Variants in PDE4D observed in about 807,000 individuals in gnomAD.
PDE4D encodes 3',5'-cyclic-AMP phosphodiesterase 4D.
In PDE4D, 24 loss-of-function variants were observed where a neutral mutation model predicts 87.4. The ratio of observed to expected loss-of-function variants is 0.27; its 90% confidence interval spans 0.20 to 0.39. PDE4D has a LOEUF of 0.39. Among genes scored for constraint, PDE4D ranks in the 10% least tolerant of loss-of-function variants. The pLI is 1.00. For synonymous variants in PDE4D, 384 were observed against 383.2 expected, an observed-to-expected ratio of 1.00 and a Z score of -0.02; for missense variants, 714 against 1,041.0, an observed-to-expected ratio of 0.69 and a Z score of 4.32.
chr5:59,306,105 T>C (rs922069049), intron 1 of PDE4D, among the ~76,000 whole-genome samples: 2 of 152,204 alleles, frequency 1.3e-5, no homozygotes, highest in Non-Finnish European at 2.9e-5. Context: ...CATTGTGACA[T>C]ATTCCTGTTG....
chr5:59,387,943 G>A (rs1203690167), intron 1 of PDE4D, among the ~76,000 whole-genome samples: 1 of 151,950 alleles, frequency 6.6e-6, no homozygotes, highest in Non-Finnish European at 1.5e-5. Context: ...CATTGCCCCA[G>A]TCTTCAGCCC....
intron 1 of PDE4D, chr5:59,275,727 T>G: frequency 9.6e-7 from 1 of 1,045,432 alleles, no homozygotes; most frequent in Non-Finnish European, 1.2e-6. Context: ...GAAACCAGCA[T>G]AGTGAAAGAG....
chr5:60,156,882 T>C (rs1363235268), intron 2 of PDE4D, among the ~76,000 whole-genome samples: 1 of 152,002 alleles, frequency 6.6e-6, no homozygotes, highest in Non-Finnish European at 1.5e-5. Flanking sequence ...TGAAAGAGAG[T>C]TGTCATAATT....
At chr5:59,267,276 C>A (rs532421992) in intron 1 of PDE4D, among the ~76,000 whole-genome samples, 27 of 152,084 alleles carry the variant, frequency 1.8e-4, no homozygotes, top group African/African-American at 6.5e-4. Flanking sequence ...ATATAAATTC[C>A]TTGATGCAAA....
intron 1 of PDE4D, among the ~76,000 whole-genome samples, chr5:59,330,419 C>T (rs1776510869): frequency 6.6e-6 from 1 of 152,250 alleles, no homozygotes; most frequent in Admixed American, 6.5e-5. Context: ...ATTCTCCCCA[C>T]CTCCTCCTGC....
chr5:60,305,870 A>G (rs958625626), intron 1 of PDE4D, among the ~76,000 whole-genome samples: 3 of 152,076 alleles, frequency 2.0e-5, no homozygotes, highest in African/African-American at 7.2e-5. Flanking sequence ...AGAAGAAACT[A>G]ACAGAAATAC....
intron 1 of PDE4D, among the ~76,000 whole-genome samples, chr5:59,643,550 A>C (rs1741957773): frequency 6.6e-6 from 1 of 152,208 alleles, no homozygotes; most frequent in Non-Finnish European, 1.5e-5. Context: ...TGTAATTTAC[A>C]TGTAGTTTAT....
chr5:59,189,649 A>G (rs1455598187), intron 3 of PDE4D, among the ~76,000 whole-genome samples: 1 of 152,142 alleles, frequency 6.6e-6, no homozygotes, highest in Non-Finnish European at 1.5e-5. Flanking sequence ...CTTGGCCCCC[A>G]AGAACTCTGG....
chr5:59,423,724 C>G (rs1794799740), intron 1 of PDE4D, among the ~76,000 whole-genome samples: 1 of 151,446 alleles, frequency 6.6e-6, no homozygotes, highest in Non-Finnish European at 1.5e-5. Flanking sequence ...TTATTTATAC[C>G]TAAAATACAC....
chr5:59,235,001 T>G (rs1756076518), intron 1 of PDE4D, among the ~76,000 whole-genome samples: 1 of 152,160 alleles, frequency 6.6e-6, no homozygotes. Context: ...TCTTTTTCTT[T>G]TTTTATAGAA....
intron 3 of PDE4D, among the ~76,000 whole-genome samples, chr5:59,932,365 C>T (rs4699945): frequency 1.3e-5 from 2 of 151,898 alleles, no homozygotes; most frequent in African/African-American, 4.8e-5. Context: ...ATAGAGAGAG[C>T]TGACATTCAC....
chr5:59,420,456 G>C (rs1794296285), intron 1 of PDE4D, among the ~76,000 whole-genome samples: 1 of 152,160 alleles, frequency 6.6e-6, no homozygotes, highest in Admixed American at 6.6e-5. Context: ...TGCTTCCACA[G>C]GACTCATCAT....
chr5:59,352,857 T>C (rs1780742456), intron 1 of PDE4D, among the ~76,000 whole-genome samples: 3 of 152,186 alleles, frequency 2.0e-5, no homozygotes, highest in Admixed American at 2.0e-4. Context: ...GGTACAAGCA[T>C]GCACATATGT....
intron 1 of PDE4D, among the ~76,000 whole-genome samples, chr5:60,325,888 A>G (rs75447801): frequency 0.088 from 13,458 of 152,144 alleles, 1,958 homozygotes; most frequent in African/African-American, 0.31. Flanking sequence ...TTGTCATTTC[A>G]ACAATGTTAT....
Position 60,035,246 on chromosome 5 carries a change from ACTC to A in PDE4D, c.43-46532_43-46530del, listed in dbSNP as rs1336085089. 3.8e-5 allele frequency among the ~76,000 whole-genome samples: 5 copies of A among 130,238 alleles called. No individual in the cohort carries two copies. The East Asian group carries it at 8.0e-4, about 21-fold the overall frequency. The allele number at this position is 130,238 out of a possible 152,430, so 85.4% of individuals were successfully genotyped here. On this transcript the variant is annotated intron_variant, in intron 2 of 16. Transcript: ENST00000502484. ...ACACCAGCCTGGGCAACAGAGCGAGACTCCGTCTCAAAAAAAAAAAAAAAGGGC... is the reference window on the plus strand; with the variant it reads ...ACACCAGCCTGGGCAACAGAGCGAGACGTCTCAAAAAAAAAAAAAAAGGGC...
At chr5:59,902,662 T>C (rs977839198) in intron 3 of PDE4D, among the ~76,000 whole-genome samples, 1 of 152,038 alleles carries the variant, frequency 6.6e-6, no homozygotes, top group South Asian at 2.1e-4. Context: ...AGAAAAACCA[T>C]AAGGGCAATT....
chr5:59,254,444 T>C (rs1760567187), intron 1 of PDE4D, among the ~76,000 whole-genome samples: 1 of 151,906 alleles, frequency 6.6e-6, no homozygotes, highest in Non-Finnish European at 1.5e-5. Context: ...CAGTCATTAA[T>C]TTTTTGTCCT....
intron 1 of PDE4D, among the ~76,000 whole-genome samples, chr5:60,283,256 C>T (rs1416069181): frequency 6.6e-6 from 1 of 152,046 alleles, no homozygotes; most frequent in African/African-American, 2.4e-5. Context: ...TATTGCCCAT[C>T]TTTTGTCTTA....
At chr5:59,762,762 CAT>C (rs1483041578) in intron 1 of PDE4D, among the ~76,000 whole-genome samples, 1 of 142,984 alleles carries the variant, frequency 7.0e-6, no homozygotes, top group East Asian at 2.0e-4. Context: ...TACATATATG[CAT>C]ATATATGTAT....
Sources: gnomAD v4.1 joint callset for allele counts (sites outside exome capture counted in the v4.1 genomes callset) on GRCh38, gnomAD v4.1.1 for gene constraint, MANE v1.5 for transcripts, NCBI Gene and HGNC (gene_info 2026-07-23, HGNC 2026-07-21) for gene names.